The following AGRN variants were observed in gnomAD, a reference collection of about 807,000 sequenced individuals.
AGRN encodes the protein agrin.
In AGRN, 106 loss-of-function variants were observed where a neutral mutation model predicts 211.0. That is an observed-to-expected ratio of 0.50 (90% CI 0.43 to 0.59). The LOEUF (loss-of-function observed/expected upper bound fraction) is 0.59. Among genes scored for constraint, AGRN ranks in the 20% least tolerant of loss-of-function variants. The probability of loss-of-function intolerance (pLI) is 0.00; values close to 1 mark genes in which losing one functional copy is unlikely to be tolerated. For missense variants in AGRN, 3,040 were observed against 2,982.6 expected, an observed-to-expected ratio of 1.02 and a Z score of -0.45; for synonymous variants, 1,525 against 1,332.5, an observed-to-expected ratio of 1.14 and a Z score of -3.15.
rs377606596 is a variant in AGRN at position 1,043,899 on chromosome 1, C to A, written c.1875C>A (p.His625Gln). Residue 625 changes from histidine to glutamine, a missense_variant, in exon 10 of 36, where the codon CAC (histidine) becomes CAA (glutamine). His to Gln is a conservative substitution (Grantham distance 24). This residue lies in a region of AGRN where 1,498 missense variants were observed against 1,457.8 expected (regional missense o/e 1.03). Coordinates refer to ENST00000379370, the MANE Select transcript of AGRN (RefSeq NM_198576.4). ...AGQCVCPRCEHPPPGPVCGSD... is the reference protein window; with the variant it reads ...AGQCVCPRCEQPPPGPVCGSD... ...AGTGTGTGTGTCCCCGGTGTGAGCA[C>A]CCCCCGCCCGGCCCCGTGTGTGGCA... is the stretch of plus-strand genomic sequence containing the variant. The A allele has an allele frequency of 6.2e-7, 1 of 1,609,030 alleles. No individual in the cohort carries two copies.
chr1:1,048,789 A>C lies in AGRN; in HGVS notation c.4106-78A>C, dbSNP rs1645178056. The C allele has an allele frequency of 2.3e-6, 3 of 1,276,664 alleles. No homozygotes were observed. Among genetic ancestry groups the C allele is most frequent in the East Asian group, 5.7e-5 (2 of 34,990 alleles). The allele number at this position is 1,276,664 out of a possible 1,614,324, so 79.1% of individuals were successfully genotyped here. ...TCTCAAAAAAAAAAAAAAAAAAAAA[A>C]GCAGGGGGCGGTTTCAGGGATAAAA... On this transcript the variant is annotated intron_variant, in intron 23 of 35. Transcript: ENST00000379370. The surrounding 1 kb of genome is among the most constrained non-coding windows in gnomAD (Gnocchi z 5.9).
chr1:1,020,598 C>T (rs1644375585), intron 1 of AGRN, among the ~76,000 whole-genome samples: 1 of 152,188 alleles, frequency 6.6e-6, no homozygotes, highest in Non-Finnish European at 1.5e-5. Flanking sequence ...CGCCTCCCTC[C>T]TCGCGGAGAC....
rs760270172 is a variant in AGRN, at chr1:1,047,337, G to A, written c.3399G>A (p.Val1133=). Residue 1133 remains valine, a synonymous_variant, in exon 20 of 36, where the codon GTG becomes GTA. Transcript: ENST00000379370. ...AEGSNCPATK[V]FQGVLELEGV... ...GTACCTCCCCCACAGCCACCAAGGTGTTCCAGGGCGTCCTGGAGCTGGAGG... is the reference window on the plus strand; with the variant it reads ...GTACCTCCCCCACAGCCACCAAGGTATTCCAGGGCGTCCTGGAGCTGGAGG... 1.2e-6 allele frequency: 2 copies of A among 1,604,612 alleles called. No homozygotes were observed. Among genetic ancestry groups the A allele is most frequent in the African/African-American group, 1.3e-5 (1 of 74,726 alleles).
chr1:1,049,872 C>G (rs767110139), intron 26 of AGRN, 31 bp from the exon 27 acceptor site: 2 of 1,611,240 alleles, frequency 1.2e-6, no homozygotes, highest in East Asian at 4.5e-5. Flanking sequence ...CTCCTGGGAC[C>G]TCGGTCCCGG....
At chr1:1,035,043 C>T in intron 2 of AGRN, 1 of 607,824 alleles carries the variant, frequency 1.6e-6, no homozygotes, top group South Asian at 2.0e-5. Flanking sequence ...CCCCATCTGA[C>T]AGGGGTCAGG....
rs1214623286 is a variant in AGRN, at chr1:1,045,182, C to G, written c.2276C>G (p.Pro759Arg). The G allele has an allele frequency of 6.2e-7, 1 of 1,612,514 alleles. No individual in the cohort carries two copies. The highest frequency in any genetic ancestry group is 8.5e-7 in the Non-Finnish European group (1 of 1,179,970). The change falls in exon 13 of 36, where the codon CCG becomes CGG. Residue 759 changes from proline to arginine, a missense_variant. Around this residue, in one of 3 missense-constraint regions of AGRN, gnomAD observed 1,498 missense variants for 1,457.8 expected, o/e 1.03. Coordinates refer to ENST00000379370, the MANE Select transcript of AGRN (RefSeq NM_198576.4). ...ACRGPTFAPL[P>R]PVAPLHCAQT... is the part of the protein sequence containing the mutation. ...GCAGGCCCCACCTTCGCCCCGCTGC[C>G]GCCTGTGGCCCCCTTACACTGTGCC...
At chr1:1,023,917 T>C (rs982946337) in intron 2 of AGRN, among the ~76,000 whole-genome samples, 1 of 151,988 alleles carries the variant, frequency 6.6e-6, no homozygotes, top group Non-Finnish European at 1.5e-5. Flanking sequence ...AGGGACGAGC[T>C]CCAGGTGGGG....
At chr1:1,034,007 C>G (rs1240654765) in intron 2 of AGRN, 1 of 585,076 alleles carries the variant, frequency 1.7e-6, no homozygotes, top group African/African-American at 2.0e-5. Context: ...ACCTCCCCAG[C>G]CCCGCGGGGA....
intron 1 of AGRN, among the ~76,000 whole-genome samples, chr1:1,020,852 G>GGGT (rs1553170889): frequency 1.4e-5 from 2 of 146,834 alleles, no homozygotes; most frequent in African/African-American, 2.5e-5. Flanking sequence ...TGGTGCGGGG[G>GGGT]GGGGGCGTGC....
At chr1:1,036,403 C>T (rs141765218) in intron 3 of AGRN, among the ~76,000 whole-genome samples, 1 of 152,206 alleles carries the variant, frequency 6.6e-6, no homozygotes, top group Non-Finnish European at 1.5e-5. Flanking sequence ...CACCTGGGAA[C>T]CGGAGCTGGA....
intron 2 of AGRN, among the ~76,000 whole-genome samples, chr1:1,027,192 C>A (rs917784376): frequency 1.3e-5 from 2 of 152,244 alleles, no homozygotes; most frequent in African/African-American, 4.8e-5. Flanking sequence ...CTGTGTCCTA[C>A]AGGCAGCCGG....
rs146441147 is a variant in AGRN, at chr1:1,044,179, C to T, written c.2070C>T (p.Arg690=). ...GDCEQELCRQ[R]GGIWDEDSED... is the part of the protein sequence containing the mutation. Reference sequence around the variant, plus strand: ...GTGAGCAGGAGCTGTGCCGGCAGCGCGGTGGCATCTGGGACGAGGACTCGG... The same window carrying T: ...GTGAGCAGGAGCTGTGCCGGCAGCGTGGTGGCATCTGGGACGAGGACTCGG... The change falls in exon 11 of 36, where the codon CGC becomes CGT. Residue 690 remains arginine, a synonymous_variant. Transcript: ENST00000379370. 34 of 1,613,232 alleles carry T rather than the reference C, an allele frequency of 2.1e-5. No homozygotes were observed. The highest frequency in any genetic ancestry group is 5.3e-5 in the African/African-American group (4 of 75,030).
In AGRN at chr1:1,020,264, G is replaced by A; in HGVS notation, c.92G>A (p.Cys31Tyr). ...ACVLPGAGGT[C>Y]PERALERREE... ...GTCCTGCCCGGAGCCGGCGGGACATGCCCGGAGCGCGCGCTGGAGCGGCGC... is the reference window on the plus strand; with the variant it reads ...GTCCTGCCCGGAGCCGGCGGGACATACCCGGAGCGCGCGCTGGAGCGGCGC... Residue 31 changes from cysteine to tyrosine, a missense_variant, in exon 1 of 36, where the codon TGC becomes TAC. Physicochemically the swap from Cys to Tyr is radical, Grantham distance 194. Around this residue, in one of 3 missense-constraint regions of AGRN, gnomAD observed 1,498 missense variants for 1,457.8 expected, o/e 1.03. Transcript: ENST00000379370. 3 of 1,467,160 alleles carry A rather than the reference G, an allele frequency of 2.0e-6. No individual in the cohort carries two copies. Among genetic ancestry groups the A allele is most frequent in the Non-Finnish European group, 2.7e-6 (3 of 1,109,586 alleles). The allele number at this position is 1,467,160 out of a possible 1,614,324, so 90.9% of individuals were successfully genotyped here.
chr1:1,029,071 C>G (rs1334573938), intron 2 of AGRN, among the ~76,000 whole-genome samples: 1 of 113,710 alleles, frequency 8.8e-6, no homozygotes, highest in Non-Finnish European at 2.0e-5. Flanking sequence ...GAACCGAGCC[C>G]CAGCCCCTCG....
At chr1:1,040,910 G>A (rs1570191311) in intron 4 of AGRN, 30 bp downstream of exon 4, 2 of 1,411,396 alleles carry the variant, frequency 1.4e-6, no homozygotes, top group Non-Finnish European at 1.8e-6. Flanking sequence ...TGCCTGGGGC[G>A]GGGAGGGGCG....
At chr1:1,053,050 C>T (rs1339524348) in intron 33 of AGRN, 11 of 197,906 alleles carry the variant, frequency 5.6e-5, no homozygotes, top group Admixed American at 1.1e-4. Context: ...TGTGTGTGTC[C>T]GTGTGTAGGT....
intron 12 of AGRN, 78 bp downstream of exon 12, chr1:1,044,517 G>A (rs1357037105): frequency 1.3e-5 from 19 of 1,409,058 alleles, no homozygotes; most frequent in South Asian, 5.0e-5. Flanking sequence ...GGGCGTGCCC[G>A]TGTGCTGCGT....
At position 1,050,335 on chromosome 1, in the gene AGRN, T is replaced by TGGGGCA; in HGVS notation, c.4976+9_4976+14dup. On this transcript the variant is annotated splice_region_variant and intron_variant, in intron 28 of 35. Transcript: ENST00000379370. ...ACCTTTGCACGGGACCTGGGGTCGG[T>TGGGGCA]GGGGCAGGAGCAGGGGGAAGGGCCG... The TGGGGCA allele has an allele frequency of 6.2e-7, 1 of 1,612,020 alleles. No homozygotes were observed. Among genetic ancestry groups the TGGGGCA allele is most frequent in the Non-Finnish European group, 8.5e-7 (1 of 1,179,700 alleles).
rs1179690710 is a variant in AGRN, at chr1:1,028,531, CA to C, written c.463+6070del. 9.4e-3 allele frequency among the ~76,000 whole-genome samples: 1,291 copies of C among 138,046 alleles called. 30 individuals carry two copies. The highest frequency in any genetic ancestry group is 0.015 in the South Asian group (62 of 4,024). The allele number at this position is 138,046 out of a possible 152,430, so 90.6% of individuals were successfully genotyped here. ...CCGAAGGAACCGAGCCCCAGCCCCT[CA>C]TGGGCCAAGGGCACCCACAGCCACG... On this transcript the variant is annotated intron_variant, in intron 2 of 35. Coordinates refer to ENST00000379370, the MANE Select transcript of AGRN (RefSeq NM_198576.4).
Sources: gnomAD v4.1 joint callset for allele counts (sites outside exome capture counted in the v4.1 genomes callset) on GRCh38, gnomAD v4.1.1 for gene constraint, gnomAD v4.1.1 regional missense constraint, Gnocchi (gnomAD v3.1) non-coding constraint, MANE v1.5 for transcripts, NCBI Gene and HGNC (gene_info 2026-07-23, HGNC 2026-07-21) for gene names.